The following SNTG1 variants were observed in gnomAD, a reference collection of about 807,000 sequenced individuals.
The protein encoded by SNTG1 is gamma-1-syntrophin.
In SNTG1, 39 loss-of-function variants were observed where a neutral mutation model predicts 74.7. That is an observed-to-expected ratio of 0.52 (90% confidence interval 0.40 to 0.68). The LOEUF is 0.68. Ranked by LOEUF, SNTG1 falls within the 30% of genes least tolerant of loss-of-function variation. The pLI, the probability that SNTG1 is intolerant of heterozygous loss-of-function variation, is 0.00. For missense variants in SNTG1, 685 were observed against 609.5 expected, an observed-to-expected ratio of 1.12 and a Z score of -1.30; for synonymous variants, 254 against 217.1, an observed-to-expected ratio of 1.17 and a Z score of -1.49.
chr8:50,725,957 C>T (rs1233390587), intron 17 of SNTG1, among the ~76,000 whole-genome samples: 2 of 152,128 alleles, frequency 1.3e-5, no homozygotes, highest in Non-Finnish European at 1.5e-5. Flanking sequence ...TTTAGTATTC[C>T]ACACTTGAAA....
intron 8 of SNTG1, among the ~76,000 whole-genome samples, chr8:50,500,439 C>G (rs954021884): frequency 6.6e-6 from 1 of 151,970 alleles, no homozygotes; most frequent in Non-Finnish European, 1.5e-5. Flanking sequence ...TAATTTTTCA[C>G]TTGAATCAAA....
At chr8:50,326,984 A>C (rs2090774947) in intron 2 of SNTG1, among the ~76,000 whole-genome samples, 1 of 151,524 alleles carries the variant, frequency 6.6e-6, no homozygotes, top group African/African-American at 2.4e-5. Flanking sequence ...TTAATCCTCA[A>C]GTGTTTTGTG....
At chr8:50,761,382 G>T (rs991579635) in intron 18 of SNTG1, among the ~76,000 whole-genome samples, 1 of 152,026 alleles carries the variant, frequency 6.6e-6, no homozygotes, top group African/African-American at 2.4e-5. Context: ...TTGTGAGTAG[G>T]ACTCAGTCTT....
At chr8:50,004,584 A>T (rs200266552) in intron 1 of SNTG1, among the ~76,000 whole-genome samples, 2 of 152,106 alleles carry the variant, frequency 1.3e-5, no homozygotes, top group Admixed American at 6.5e-5. Context: ...CCATCTTCTC[A>T]TCTTTTTCTC....
intron 4 of SNTG1, among the ~76,000 whole-genome samples, chr8:50,407,885 G>T (rs1410464958): frequency 6.6e-6 from 1 of 152,126 alleles, no homozygotes; most frequent in Non-Finnish European, 1.5e-5. Context: ...TGCCAAAACT[G>T]TCCTCAGGCA....
At chr8:50,204,793 C>A (rs1284137883) in intron 2 of SNTG1, among the ~76,000 whole-genome samples, 1 of 152,028 alleles carries the variant, frequency 6.6e-6, no homozygotes, top group African/African-American at 2.4e-5. Context: ...TTGTTCAATT[C>A]CCACCTATGA....
At position 49,998,587 on chromosome 8, in the gene SNTG1, G is replaced by GACACACACAC. The variant is rs56162374; in HGVS notation, c.-103+86386_-103+86395dup. Among the ~76,000 whole-genome samples the GACACACACAC allele has an allele frequency of 9.8e-3, 1,343 of 136,898 alleles. 13 individuals carry two copies. The highest frequency in any genetic ancestry group is 0.019 in the African/African-American group (728 of 38,226). 89.8% of individuals were successfully genotyped at this position (136,898 alleles called of 152,430 possible). ...ACTTAAGCATTTTGTTAAAAATTAAGACACACACACACACACACACACACA... is the reference window on the plus strand; with the variant it reads ...ACTTAAGCATTTTGTTAAAAATTAAGACACACACACACACACACACACACACACACACACA... On this transcript the variant is annotated intron_variant, in intron 1 of 18. Coordinates refer to ENST00000642720, the MANE Select transcript of SNTG1 (RefSeq NM_018967.5).
chr8:50,439,102 A>C (rs1262547171), intron 5 of SNTG1, among the ~76,000 whole-genome samples: 2 of 152,162 alleles, frequency 1.3e-5, no homozygotes, highest in East Asian at 3.8e-4. Context: ...TTATTTTAAA[A>C]GTGAACATAT....
intron 2 of SNTG1, chr8:50,382,153 T>C (rs1360153049): frequency 6.6e-6 from 1 of 152,056 alleles, no homozygotes; most frequent in Non-Finnish European, 1.5e-5. Context: ...ATTCAAATGT[T>C]AATCTTGGCA....
intron 2 of SNTG1, among the ~76,000 whole-genome samples, chr8:50,216,515 G>A (rs11998379): frequency 0.09 from 13,760 of 152,110 alleles, 1,649 homozygotes; most frequent in African/African-American, 0.28. Flanking sequence ...AGACTTAGGG[G>A]ATGAAAGCAG....
At chr8:50,246,630 GA>G (rs1469078529) in intron 2 of SNTG1, among the ~76,000 whole-genome samples, 1 of 152,048 alleles carries the variant, frequency 6.6e-6, no homozygotes, top group African/African-American at 2.4e-5. Context: ...TTGATGAGAG[GA>G]ATGAATAGGA....
At chr8:50,503,273 C>T (rs553364150) in intron 9 of SNTG1, among the ~76,000 whole-genome samples, 62 of 152,096 alleles carry the variant, frequency 4.1e-4, no homozygotes, top group South Asian at 1.5e-3. Flanking sequence ...TGAAAAAAAG[C>T]GTTTGCCTTT....
chr8:50,223,018 T>C (rs1012067162), intron 2 of SNTG1, among the ~76,000 whole-genome samples: 2 of 152,078 alleles, frequency 1.3e-5, no homozygotes, highest in Non-Finnish European at 2.9e-5. Flanking sequence ...GCTTCAGGAA[T>C]TGGAGTTATT....
intron 2 of SNTG1, among the ~76,000 whole-genome samples, chr8:50,223,051 T>C (rs2085150660): frequency 6.6e-6 from 1 of 152,046 alleles, no homozygotes; most frequent in Non-Finnish European, 1.5e-5. Context: ...AAAACCTTGG[T>C]ACCAATAAAT....
intron 17 of SNTG1, among the ~76,000 whole-genome samples, chr8:50,715,800 A>G (rs2095473639): frequency 6.6e-6 from 1 of 152,190 alleles, no homozygotes. Flanking sequence ...CTGGTTTTTC[A>G]TATTTTTTCT....
At chr8:49,914,505 G>A (rs1479339458) in intron 1 of SNTG1, among the ~76,000 whole-genome samples, 1 of 152,060 alleles carries the variant, frequency 6.6e-6, no homozygotes, top group South Asian at 2.1e-4. Flanking sequence ...AATTTAAAAT[G>A]AGCCCTGGAA....
At chr8:50,347,980 C>G (rs1460491821) in intron 2 of SNTG1, among the ~76,000 whole-genome samples, 1 of 152,078 alleles carries the variant, frequency 6.6e-6, no homozygotes, top group Non-Finnish European at 1.5e-5. Flanking sequence ...TTTCACTTCC[C>G]CAAGAAACAT....
intron 9 of SNTG1, among the ~76,000 whole-genome samples, chr8:50,508,442 G>T (rs962423146): frequency 6.6e-6 from 1 of 152,162 alleles, no homozygotes; most frequent in African/African-American, 2.4e-5. Context: ...ACCCAGTAAT[G>T]GGATTGCTGG....
chr8:50,311,220 A>G (rs1049297984), intron 2 of SNTG1, among the ~76,000 whole-genome samples: 2 of 152,142 alleles, frequency 1.3e-5, no homozygotes, highest in African/African-American at 2.4e-5. Context: ...TTCATCTCAC[A>G]TAGTTAAGGG....
Sources: gnomAD v4.1 joint callset for allele counts (sites outside exome capture counted in the v4.1 genomes callset) on GRCh38, gnomAD v4.1.1 for gene constraint, MANE v1.5 for transcripts, NCBI Gene and HGNC (gene_info 2026-07-23, HGNC 2026-07-21) for gene names.